The following P4HA2 variants were observed in gnomAD, a reference collection of about 807,000 sequenced individuals.
P4HA2 encodes prolyl 4-hydroxylase subunit alpha 2, also known as prolyl 4-hydroxylase subunit alpha-2.
In P4HA2, 46 loss-of-function variants were observed where a neutral mutation model predicts 76.9. The ratio of observed to expected loss-of-function variants is 0.60; its 90% CI spans 0.47 to 0.76. The LOEUF is 0.76. Among genes scored for constraint, P4HA2 ranks in the 30% least tolerant of loss-of-function variants. P4HA2 has a pLI of 0.00. For missense variants in P4HA2, 583 were observed against 669.4 expected (o/e 0.87, Z 1.42); for synonymous variants, 243 against 254.0 (o/e 0.96, Z 0.41).
chr5:132,206,371 T>C (rs1752219632), intron 8 of P4HA2, among the ~76,000 whole-genome samples: 1 of 152,132 alleles, frequency 6.6e-6, no homozygotes, highest in South Asian at 2.1e-4. Context: ...TGCCAACCAC[T>C]GACTCAAAGC....
chr5:132,197,629 AAAGAAG>A (rs1262111764), intron 12 of P4HA2, among the ~76,000 whole-genome samples: 1 of 150,364 alleles, frequency 6.7e-6, no homozygotes, highest in Non-Finnish European at 1.5e-5. Flanking sequence ...AAAAAAAAAA[AAAGAAG>A]AAGAAGAAGC....
At chr5:132,193,142 A>T in intron 14 of P4HA2, 62 bp from the exon 15 acceptor site, 1 of 1,136,936 alleles carries the variant, frequency 8.8e-7, no homozygotes, top group East Asian at 2.4e-5. Context: ...TGAATGAATG[A>T]CTCCTTCATG....
Position 132,217,809 on chromosome 5 carries a change from A to C in P4HA2, c.122T>G (p.Val41Gly). Residue 41 changes from valine (V) to glycine (G), a missense_variant, in exon 3 of 15, where the codon GTG becomes GGG. Physicochemically the swap from Val to Gly is moderately radical, Grantham distance 109. Transcript: ENST00000360568. The part of the protein sequence containing the change: ...TDLIYAEKEL[V>G]QSLKEYILVE... ...AAGGATGTACTCTTTCAGAGACTGC[A>C]CCAGCTCTTTCTCTGCATAAATCAG... 1 of 1,613,288 alleles carries C rather than the reference A, an allele frequency of 6.2e-7. No individual in the cohort carries two copies. The highest frequency in any genetic ancestry group is 8.5e-7 in the Non-Finnish European group (1 of 1,179,250).
intron 12 of P4HA2, among the ~76,000 whole-genome samples, chr5:132,197,293 C>A (rs1487256481): frequency 6.6e-6 from 1 of 152,192 alleles, no homozygotes; most frequent in African/African-American, 2.4e-5. Flanking sequence ...AAAGTCCAGA[C>A]TAGCACTGGG....
At chr5:132,203,683 C>G in intron 10 of P4HA2, 65 bp downstream of exon 10, 4 of 1,017,726 alleles carry the variant, frequency 3.9e-6, no homozygotes, top group Non-Finnish European at 6.2e-6. Context: ...TCTGGACACC[C>G]TGTGAGACCA....
intron 12 of P4HA2, chr5:132,198,070 A>G: frequency 6.8e-7 from 1 of 1,462,122 alleles, no homozygotes; most frequent in Non-Finnish European, 9.0e-7. Flanking sequence ...TACTGCAGCC[A>G]AGAAGGGTGC....
intron 1 of P4HA2, among the ~76,000 whole-genome samples, chr5:132,226,221 A>G (rs1431329259): frequency 6.6e-6 from 1 of 152,170 alleles, no homozygotes; most frequent in East Asian, 1.9e-4. Context: ...GCAGACCCCA[A>G]AAACATCCTA....
chr5:132,194,194 T>TAGATTA (rs1750257319), intron 14 of P4HA2, among the ~76,000 whole-genome samples: 1 of 152,220 alleles, frequency 6.6e-6, no homozygotes, highest in East Asian at 1.9e-4. Context: ...ATATCATGTG[T>TAGATTA]TACACCTGAG....
chr5:132,220,654 C>A (rs755828251), intron 1 of P4HA2, among the ~76,000 whole-genome samples: 2 of 152,246 alleles, frequency 1.3e-5, no homozygotes, highest in Non-Finnish European at 2.9e-5. Context: ...AGCCAGGTTT[C>A]TTCATTACAT....
In P4HA2 at chr5:132,210,365, G is replaced by T; in HGVS notation, c.628C>A (p.Leu210Met). The change falls in exon 6 of 15, where the codon CTG becomes ATG. Residue 210 changes from leucine (L) to methionine (M), a missense_variant. Physicochemically the swap from Leu to Met is conservative, Grantham distance 15 (BLOSUM62 2). Coordinates refer to ENST00000360568, the MANE Select transcript of P4HA2 (RefSeq NM_001017974.2). ...EEATTTKSQV[L>M]DYLSYAVFQL... ...AAGACAGCATAGCTGAGGTAGTCCA[G>T]CACCTGTGACTTGGTTGTGGTGGCC... 6.2e-7 allele frequency: 1 copy of T among 1,614,100 alleles called. No individual in the cohort carries two copies. Among genetic ancestry groups the T allele is most frequent in the Non-Finnish European group, 8.5e-7 (1 of 1,180,000 alleles).
At chr5:132,212,128 G>T (rs1195685862) in intron 5 of P4HA2, among the ~76,000 whole-genome samples, 1 of 152,152 alleles carries the variant, frequency 6.6e-6, no homozygotes, top group East Asian at 1.9e-4. Context: ...TCCTATAGAG[G>T]GGTTGAGACA....
chr5:132,205,694 G>T lies in P4HA2; in HGVS notation c.1081-1542C>A, dbSNP rs113196533. Reference sequence around the variant, plus strand: ...CCAACTTGGACACTGTGCTGCTATGGCATGATCTGGTAAGATGGCCAGCAC... The same window carrying T: ...CCAACTTGGACACTGTGCTGCTATGTCATGATCTGGTAAGATGGCCAGCAC... On this transcript the variant is annotated intron_variant, in intron 8 of 14. Transcript: ENST00000360568. Among the ~76,000 whole-genome samples, 768 of 152,240 alleles carry T rather than the reference G, an allele frequency of 5.0e-3. 8 individuals carry two copies. Among genetic ancestry groups the T allele is most frequent in the African/African-American group, 0.018 (729 of 41,530 alleles).
At chr5:132,204,596 C>G (rs1401731924) in intron 8 of P4HA2, among the ~76,000 whole-genome samples, 1 of 152,174 alleles carries the variant, frequency 6.6e-6, no homozygotes, top group Non-Finnish European at 1.5e-5. Context: ...TCAATTGAGT[C>G]AAGTTCCACC....
At chr5:132,217,466 G>A (rs923374723) in intron 3 of P4HA2, 118 bp from the exon 4 acceptor site, 58 of 952,316 alleles carry the variant, frequency 6.1e-5, no homozygotes, top group Non-Finnish European at 8.1e-5. Flanking sequence ...TCATCAAGAG[G>A]CAATGAAAAA....
chr5:132,217,309 A>G lies in P4HA2; in HGVS notation c.219T>C (p.Ala73=). 1 of 1,614,190 alleles carries G rather than the reference A, an allele frequency of 6.2e-7. No individual in the cohort carries two copies. The change falls in exon 4 of 15, where the codon GCT becomes GCC. Residue 73 remains alanine, a synonymous_variant. Transcript: ENST00000360568. ...NKMEALTSKS[A]ADAEGYLAHP... Reference sequence around the variant, plus strand: ...GAGCCAGGTAGCCCTCAGCATCAGCAGCTGACTTGCTAGTCAAGGCTTCCA... The same window carrying G: ...GAGCCAGGTAGCCCTCAGCATCAGCGGCTGACTTGCTAGTCAAGGCTTCCA...
chr5:132,217,031 C>G (rs1753999598), intron 4 of P4HA2, among the ~76,000 whole-genome samples, 166 bp downstream of exon 4: 2 of 152,172 alleles, frequency 1.3e-5, no homozygotes, highest in African/African-American at 4.8e-5. Context: ...CAGCCAACTT[C>G]CAGGTCCCCA....
At chr5:132,216,186 AAG>A (rs1753865810) in intron 4 of P4HA2, among the ~76,000 whole-genome samples, 1 of 150,634 alleles carries the variant, frequency 6.6e-6, no homozygotes, top group Admixed American at 6.6e-5. Context: ...AAAAAAAAAA[AAG>A]TCAGTGAGTC....
At chr5:132,196,149 T>C (rs1750610845) in intron 12 of P4HA2, among the ~76,000 whole-genome samples, 1 of 151,890 alleles carries the variant, frequency 6.6e-6, no homozygotes. Context: ...CTGGCTCTCT[T>C]ACTTTTTTTG....
At chr5:132,211,585 A>C (rs1753098136) in intron 5 of P4HA2, among the ~76,000 whole-genome samples, 3 of 152,324 alleles carry the variant, frequency 2.0e-5, no homozygotes, top group African/African-American at 7.2e-5. Flanking sequence ...TGGGGACAGT[A>C]AACACAAGAT....
Sources: gnomAD v4.1 joint callset for allele counts (sites outside exome capture counted in the v4.1 genomes callset) on GRCh38, gnomAD v4.1.1 for gene constraint, MANE v1.5 for transcripts, NCBI Gene and HGNC (gene_info 2026-07-23, HGNC 2026-07-21) for gene names.